L3MBTL4: variants seen among roughly 807,000 people sequenced by gnomAD.
The protein encoded by L3MBTL4 is L3MBTL histone methyl-lysine binding protein 4, also known as lethal(3)malignant brain tumor-like protein 4.
Under a neutral mutation model 84.5 loss-of-function variants are expected in L3MBTL4, and 70 were observed. That is an observed-to-expected ratio of 0.83 (90% CI 0.68 to 1.01). L3MBTL4 has a LOEUF of 1.01. L3MBTL4 is among the 50% of genes least tolerant of loss of function. The pLI is 0.00. For missense variants in L3MBTL4, 715 were observed against 754.8 expected (o/e 0.95, Z 0.62); for synonymous variants, 274 against 259.8 (o/e 1.05, Z -0.52).
chr18:6,054,142 T>C (rs538215679), intron 16 of L3MBTL4, among the ~76,000 whole-genome samples: 1 of 152,302 alleles, frequency 6.6e-6, no homozygotes, highest in African/African-American at 2.4e-5. Context: ...AAACTCCATC[T>C]TTACAGCACT....
chr18:6,301,288 A>G (rs1599547990), intron 4 of L3MBTL4, among the ~76,000 whole-genome samples: 2 of 152,354 alleles, frequency 1.3e-5, no homozygotes, highest in Admixed American at 1.3e-4. Flanking sequence ...GTTGTTGGAC[A>G]TTCTACTACA....
chr18:6,278,318 A>G (rs1281440955), intron 4 of L3MBTL4, among the ~76,000 whole-genome samples: 1 of 152,146 alleles, frequency 6.6e-6, no homozygotes, highest in East Asian at 1.9e-4. Flanking sequence ...CCATTTTAGT[A>G]TCTAGAGATC....
At chr18:6,245,445 T>C (rs949661480) in intron 5 of L3MBTL4, among the ~76,000 whole-genome samples, 46 of 152,190 alleles carry the variant, frequency 3.0e-4, no homozygotes, top group African/African-American at 1.1e-3. Flanking sequence ...GTCTGTGACT[T>C]GGCTCTTCAC....
chr18:6,075,715 T>C (rs1385648148), intron 16 of L3MBTL4, among the ~76,000 whole-genome samples: 1 of 152,088 alleles, frequency 6.6e-6, no homozygotes, highest in Non-Finnish European at 1.5e-5. Context: ...ATTAAGAGTG[T>C]GAAAAGGCAA....
At chr18:6,335,990 T>G (rs1471419182) in intron 1 of L3MBTL4, among the ~76,000 whole-genome samples, 1 of 152,188 alleles carries the variant, frequency 6.6e-6, no homozygotes, top group Non-Finnish European at 1.5e-5. Flanking sequence ...ATGTATTAAA[T>G]CAAATCTAGT....
chr18:6,055,978 C>T (rs887967740), intron 16 of L3MBTL4, among the ~76,000 whole-genome samples: 3 of 152,020 alleles, frequency 2.0e-5, no homozygotes, highest in Admixed American at 6.6e-5. Context: ...GGCTATAAGG[C>T]GATGACCTCA....
chr18:6,311,033 G>C (rs1783219281), intron 3 of L3MBTL4, among the ~76,000 whole-genome samples: 1 of 152,050 alleles, frequency 6.6e-6, no homozygotes, highest in Non-Finnish European at 1.5e-5. Flanking sequence ...TCCTCCCTGG[G>C]CCTCCTGCCT....
intron 12 of L3MBTL4, among the ~76,000 whole-genome samples, chr18:6,189,986 T>A (rs565505737): frequency 9.0e-4 from 137 of 152,248 alleles, no homozygotes; most frequent in African/African-American, 3.2e-3. Context: ...GGCTGAGAAT[T>A]TTCCAAAATG....
At chr18:6,283,282 GC>G (rs2146604859) in intron 4 of L3MBTL4, among the ~76,000 whole-genome samples, 1 of 152,218 alleles carries the variant, frequency 6.6e-6, no homozygotes, top group South Asian at 2.1e-4. Context: ...CACTTAAAGT[GC>G]TTTTTGAAAA....
At chr18:6,169,729 A>T (rs1324894170) in intron 13 of L3MBTL4, among the ~76,000 whole-genome samples, 1 of 151,634 alleles carries the variant, frequency 6.6e-6, no homozygotes, top group Non-Finnish European at 1.5e-5. Context: ...CCTAATGCTA[A>T]ATGGCGAGTT....
At chr18:6,361,321 G>A (rs2053684506) in intron 1 of L3MBTL4, among the ~76,000 whole-genome samples, 1 of 152,130 alleles carries the variant, frequency 6.6e-6, no homozygotes, top group Non-Finnish European at 1.5e-5. Context: ...CAGTCTACCA[G>A]GCTCTCTTGC....
intron 13 of L3MBTL4, among the ~76,000 whole-genome samples, chr18:6,158,097 G>C (rs1166411632): frequency 6.6e-6 from 1 of 152,144 alleles, no homozygotes; most frequent in African/African-American, 2.4e-5. Context: ...TTTGCATTAT[G>C]TGACTAACCA....
At chr18:5,958,160 C>CAAG (rs1350581735) in intron 18 of L3MBTL4, among the ~76,000 whole-genome samples, 1 of 55,476 alleles carries the variant, frequency 1.8e-5, no homozygotes, top group Non-Finnish European at 4.3e-5. Context: ...AGAAGAAGAA[C>CAAG]AAGAAGAAGA....
At chr18:6,141,683 C>A (rs2060199390) in intron 13 of L3MBTL4, among the ~76,000 whole-genome samples, 1 of 152,088 alleles carries the variant, frequency 6.6e-6, no homozygotes, top group Non-Finnish European at 1.5e-5. Context: ...TTTTACCTAC[C>A]AACTTATCTT....
At chr18:6,236,401 G>A (rs1599276614) in intron 10 of L3MBTL4, among the ~76,000 whole-genome samples, 1 of 152,190 alleles carries the variant, frequency 6.6e-6, no homozygotes, top group East Asian at 1.9e-4. Flanking sequence ...GCATGTTAAT[G>A]ATGGCATAAT....
intron 16 of L3MBTL4, among the ~76,000 whole-genome samples, chr18:5,979,630 A>G (rs1345848166): frequency 6.6e-6 from 1 of 151,978 alleles, no homozygotes; most frequent in Non-Finnish European, 1.5e-5. Flanking sequence ...CACCAGGGGC[A>G]TTTTTTTCCT....
intron 13 of L3MBTL4, among the ~76,000 whole-genome samples, chr18:6,149,528 T>C (rs569279900): frequency 1.3e-5 from 2 of 152,144 alleles, no homozygotes; most frequent in South Asian, 2.1e-4. Context: ...TGTGTCTTTA[T>C]AGCAGCATGA....
chr18:6,105,181 C>G (rs960239933), intron 14 of L3MBTL4, among the ~76,000 whole-genome samples: 3 of 141,812 alleles, frequency 2.1e-5, no homozygotes, highest in African/African-American at 5.6e-5. Flanking sequence ...AGAACACCAC[C>G]AATTTTTTTT....
At chr18:6,058,712 G>T (rs994246835) in intron 16 of L3MBTL4, among the ~76,000 whole-genome samples, 3 of 152,234 alleles carry the variant, frequency 2.0e-5, no homozygotes, top group African/African-American at 7.2e-5. Context: ...GGAGAGAACT[G>T]CTTTACTTTG....
Sources: allele counts gnomAD v4.1 joint callset (sites outside exome capture counted in the v4.1 genomes callset), GRCh38; gene constraint gnomAD v4.1.1; transcripts MANE v1.5; gene names NCBI Gene and HGNC (gene_info 2026-07-23, HGNC 2026-07-21).